The following SUZ12 variants were observed in gnomAD, a reference collection of about 807,000 sequenced individuals.
SUZ12 encodes the protein SUZ12 polycomb repressive complex 2 subunit, also known as polycomb protein SUZ12.
Under a neutral mutation model 87.3 loss-of-function variants are expected in SUZ12, and 17 were observed. The observed-to-expected ratio is 0.19, with a 90% CI of 0.13 to 0.29. The LOEUF is 0.29. Among genes scored for constraint, SUZ12 ranks in the 10% least tolerant of loss-of-function variants. SUZ12 has a pLI of 1.00. For missense variants in SUZ12, 526 were observed against 912.2 expected, an observed-to-expected ratio of 0.58 and a Z score of 5.45; for synonymous variants, 253 against 312.4, an observed-to-expected ratio of 0.81 and a Z score of 2.01.
intron 2 of SUZ12, 43 bp downstream of exon 2, chr17:31,940,375 A>G (rs376184339): frequency 1.9e-5 from 30 of 1,592,442 alleles, no homozygotes; most frequent in African/African-American, 1.8e-4. Context: ...TCTCTCTTAT[A>G]ACTGCATCTG....
At chr17:31,959,437 A>G (rs1429306973) in intron 4 of SUZ12, among the ~76,000 whole-genome samples, 1 of 152,232 alleles carries the variant, frequency 6.6e-6, no homozygotes, top group Non-Finnish European at 1.5e-5. Flanking sequence ...TTATCTTCTC[A>G]TTAGAAAGTG....
intron 9 of SUZ12, among the ~76,000 whole-genome samples, chr17:31,987,656 C>T (rs1434401827): frequency 6.6e-6 from 1 of 152,108 alleles, no homozygotes; most frequent in Non-Finnish European, 1.5e-5. Flanking sequence ...CAAGGCCAGG[C>T]GTGGTGGCTC....
rs113925268 is a variant in SUZ12 at position 31,997,504 on chromosome 17, C to T, written c.1874+627C>T. 1.3e-4 allele frequency among the ~76,000 whole-genome samples: 19 copies of T among 151,954 alleles called. No individual in the cohort carries two copies. In the East Asian group the frequency reaches 2.7e-3, roughly 22 times the overall value. On this transcript the variant is annotated intron_variant, in intron 15 of 15. Transcript: ENST00000322652. ...ATGGTGAAACCCTGTCTCCACTAAA[C>T]GTACAAAACTTAGCCGGGTGCAGTG...
chr17:31,947,965 C>T (rs1405410492), intron 4 of SUZ12, among the ~76,000 whole-genome samples: 2 of 151,940 alleles, frequency 1.3e-5, no homozygotes, highest in South Asian at 4.1e-4. Flanking sequence ...TGACTTCTGC[C>T]GTTGGTCTTA....
chr17:31,965,695 A>G (rs191717585), intron 4 of SUZ12: 2 of 152,740 alleles, frequency 1.3e-5, no homozygotes, highest in East Asian at 3.8e-4. Flanking sequence ...ACGCTTTTCA[A>G]AATTTCCTTT....
intron 3 of SUZ12, among the ~76,000 whole-genome samples, chr17:31,944,677 ATAGGC>A (rs766395101): frequency 7.2e-5 from 11 of 152,162 alleles, no homozygotes; most frequent in Non-Finnish European, 1.6e-4. Context: ...ATGGGTAGGA[ATAGGC>A]TAGGCATGGT....
intron 5 of SUZ12, among the ~76,000 whole-genome samples, chr17:31,972,345 GTA>G (rs758312683): frequency 0.037 from 5,398 of 147,124 alleles, 158 homozygotes; most frequent in Middle Eastern, 0.057. Flanking sequence ...ATATATATGT[GTA>G]TATATATATA....
intron 1 of SUZ12, 119 bp from the exon 2 acceptor site, chr17:31,940,167 A>T: frequency 7.6e-7 from 1 of 1,316,348 alleles, no homozygotes; most frequent in Non-Finnish European, 1.0e-6. Flanking sequence ...GTGCGATATA[A>T]ATAGTGCGTG....
chr17:31,988,597 C>CTTTTT, intron 10 of SUZ12, 100 bp downstream of exon 10: 5 of 963,414 alleles, frequency 5.2e-6, no homozygotes, highest in Non-Finnish European at 7.1e-6. Context: ...TGTGATTCTT[C>CTTTTT]TTTTTTTTTT....
intron 1 of SUZ12, among the ~76,000 whole-genome samples, chr17:31,939,987 A>G (rs1272347545): frequency 2.0e-5 from 3 of 152,224 alleles, no homozygotes; most frequent in Non-Finnish European, 4.4e-5. Context: ...AAATGAGTAC[A>G]ACTACTTCTC....
intron 5 of SUZ12, among the ~76,000 whole-genome samples, chr17:31,969,377 G>A (rs1335895103): frequency 6.6e-6 from 1 of 152,026 alleles, no homozygotes; most frequent in African/African-American, 2.4e-5. Flanking sequence ...TTGAACTCCC[G>A]ATCTCAGGTG....
intron 3 of SUZ12, among the ~76,000 whole-genome samples, chr17:31,941,979 A>G (rs1331878348): frequency 1.3e-5 from 2 of 151,640 alleles, no homozygotes; most frequent in Non-Finnish European, 2.9e-5. Flanking sequence ...CAGCCTCCCG[A>G]GTAGCTGGAA....
At chr17:31,951,797 CAG>C (rs1409646838) in intron 4 of SUZ12, among the ~76,000 whole-genome samples, 1 of 130,828 alleles carries the variant, frequency 7.6e-6, no homozygotes, top group Admixed American at 8.3e-5. Context: ...TTTTTTGAGA[CAG>C]AGTCTCACAT....
At chr17:31,938,466 G>A (rs1906071878) in intron 1 of SUZ12, among the ~76,000 whole-genome samples, 1 of 152,140 alleles carries the variant, frequency 6.6e-6, no homozygotes, top group Non-Finnish European at 1.5e-5. Flanking sequence ...GCTGTGCTTA[G>A]AAAGACGTAT....
In SUZ12 at chr17:32,000,912, TG is replaced by T; in HGVS notation, c.*1910del. 1 of 222,358 alleles carries T rather than the reference TG, an allele frequency of 4.5e-6. No homozygotes were observed. Among genetic ancestry groups the T allele is most frequent in the Non-Finnish European group, 9.0e-6 (1 of 111,150 alleles). The allele number at this position is 222,358 out of a possible 1,614,324, so 13.8% of individuals were successfully genotyped here. On this transcript the variant is annotated 3_prime_UTR_variant, in exon 16 of 16. Coordinates refer to ENST00000322652, the MANE Select transcript of SUZ12 (RefSeq NM_015355.4). ...CAGATTTTGAAGAAATCCTGTAAGA[TG>T]ATAAAGCATTTGAATGGTACAGTAG... is the stretch of plus-strand genomic sequence containing the variant.
intron 8 of SUZ12, among the ~76,000 whole-genome samples, chr17:31,977,098 G>A (rs1355866466): frequency 6.6e-6 from 1 of 152,058 alleles, no homozygotes; most frequent in Non-Finnish European, 1.5e-5. Context: ...AAATCTTGGG[G>A]TTATGTGTTT....
At chr17:31,949,677 T>C (rs28380644) in intron 4 of SUZ12, among the ~76,000 whole-genome samples, 9 of 9,528 alleles carry the variant, frequency 9.4e-4, no homozygotes, top group Non-Finnish European at 1.0e-3. Context: ...CCCCCCCCCC[T>C]TTTTTTTTTT....
intron 9 of SUZ12, among the ~76,000 whole-genome samples, chr17:31,983,427 G>A (rs1366001404): frequency 2.6e-5 from 4 of 151,164 alleles, no homozygotes; most frequent in African/African-American, 9.8e-5. Flanking sequence ...GTGATTCTGC[G>A]TGCCACCACG....
At chr17:31,984,377 G>C (rs1324440205) in intron 9 of SUZ12, among the ~76,000 whole-genome samples, 1 of 152,026 alleles carries the variant, frequency 6.6e-6, no homozygotes, top group East Asian at 1.9e-4. Flanking sequence ...ATTCTGCAAG[G>C]CTCATAAACA....
Sources: gnomAD v4.1 joint callset for allele counts (sites outside exome capture counted in the v4.1 genomes callset) on GRCh38, gnomAD v4.1.1 for gene constraint, MANE v1.5 for transcripts, NCBI Gene and HGNC (gene_info 2026-07-23, HGNC 2026-07-21) for gene names.